The following MAST4 variants were observed in gnomAD, a reference collection of about 807,000 sequenced individuals.
MAST4 encodes the protein microtubule associated serine/threonine kinase family member 4.
In MAST4, 89 loss-of-function variants were observed where a neutral mutation model predicts 162.7. The ratio of observed to expected loss-of-function variants is 0.55; its 90% CI spans 0.46 to 0.65. The LOEUF is 0.65. Among genes scored for constraint, MAST4 ranks in the 30% least tolerant of loss-of-function variants. The probability of loss-of-function intolerance (pLI) is 0.00; values close to 1 mark genes in which losing one functional copy is unlikely to be tolerated. For missense variants in MAST4, 3,153 were observed against 3,374.0 expected (o/e 0.93, Z 1.62); for synonymous variants, 1,479 against 1,361.1 (o/e 1.09, Z -1.91).
chr5:66,991,069 G>A (rs1370030959), intron 4 of MAST4, among the ~76,000 whole-genome samples: 2 of 152,158 alleles, frequency 1.3e-5, no homozygotes, highest in Non-Finnish European at 2.9e-5. Flanking sequence ...AAGTATCAGT[G>A]GTTTGAGAGA....
chr5:67,012,172 A>G (rs1264123775), intron 4 of MAST4, among the ~76,000 whole-genome samples: 1 of 152,098 alleles, frequency 6.6e-6, no homozygotes. Flanking sequence ...ATACCTTTAA[A>G]CAGGAATCGT....
intron 2 of MAST4, among the ~76,000 whole-genome samples, chr5:66,785,423 A>G (rs1755068655): frequency 6.6e-6 from 1 of 152,156 alleles, no homozygotes; most frequent in Non-Finnish European, 1.5e-5. Flanking sequence ...TCACCTAAAC[A>G]TATGTGATGA....
intron 1 of MAST4, among the ~76,000 whole-genome samples, chr5:66,756,988 A>G (rs777270164): frequency 1.3e-5 from 2 of 152,178 alleles, no homozygotes; most frequent in Non-Finnish European, 2.9e-5. Flanking sequence ...GCTCATGTCT[A>G]TATATGTGCG....
chr5:66,714,526 A>G (rs1229839095), intron 1 of MAST4, among the ~76,000 whole-genome samples: 1 of 152,144 alleles, frequency 6.6e-6, no homozygotes, highest in Non-Finnish European at 1.5e-5. Context: ...GATTCGAGTC[A>G]TTGTTTTCCC....
In MAST4 at chr5:67,164,139, G is replaced by A. The variant is rs1417214870; in HGVS notation, c.4960G>A (p.Asp1654Asn). 2.5e-6 allele frequency: 4 copies of A among 1,605,460 alleles called. No individual in the cohort carries two copies. Among genetic ancestry groups the A allele is most frequent in the Non-Finnish European group, 3.4e-6 (4 of 1,175,784 alleles). Residue 1654 changes from aspartate to asparagine, a missense_variant, in exon 29 of 29, where the codon GAC becomes AAC. By Grantham distance (23) the Asp-to-Asn change is conservative. Coordinates refer to ENST00000403625, the MANE Select transcript of MAST4 (RefSeq NM_001164664.2). The surrounding 1 kb of genome is among the most constrained non-coding windows in gnomAD (Gnocchi z 5.3). ...CCAGGATGGTCTCTGCCACTCCCTCGACAGGGGCATCTCTGGGAAGGGGGA... is the reference window on the plus strand; with the variant it reads ...CCAGGATGGTCTCTGCCACTCCCTCAACAGGGGCATCTCTGGGAAGGGGGA... ...TLQDGLCHSLDRGISGKGEGT... is the reference protein window; with the variant it reads ...TLQDGLCHSLNRGISGKGEGT...
Position 67,005,953 on chromosome 5 carries a change from A to C in MAST4, c.675-48451A>C, listed in dbSNP as rs143942237. On this transcript the variant is annotated intron_variant, in intron 4 of 28. Coordinates refer to ENST00000403625, the MANE Select transcript of MAST4 (RefSeq NM_001164664.2). ...CTTTGCAGTCAGATAAACAGGATGC[A>C]GGCTCTCAGATTTGGAGCTTCACAA... Among the ~76,000 whole-genome samples the C allele has an allele frequency of 2.0e-3, 308 of 152,376 alleles. 1 individual carries two copies. The highest frequency in any genetic ancestry group is 7.2e-3 in the African/African-American group (298 of 41,590).
intron 3 of MAST4, among the ~76,000 whole-genome samples, chr5:66,889,470 T>C (rs1373469785): frequency 6.6e-6 from 1 of 152,206 alleles, no homozygotes; most frequent in Non-Finnish European, 1.5e-5. Context: ...GTAGCTAGCA[T>C]TGGTGTTTGA....
At chr5:67,034,213 T>C (rs1755732766) in intron 4 of MAST4, among the ~76,000 whole-genome samples, 1 of 152,194 alleles carries the variant, frequency 6.6e-6, no homozygotes, top group African/African-American at 2.4e-5. Context: ...TTCTGCTAAG[T>C]TGGCTTTATG....
intron 9 of MAST4, among the ~76,000 whole-genome samples, chr5:67,103,857 TAAATG>T (rs1212919453): frequency 6.6e-6 from 1 of 152,232 alleles, no homozygotes; most frequent in East Asian, 1.9e-4. Flanking sequence ...CCCAAGATCT[TAAATG>T]AAAGCGTAAC....
chr5:67,119,759 G>C (rs1767353608), intron 13 of MAST4, among the ~76,000 whole-genome samples: 1 of 152,098 alleles, frequency 6.6e-6, no homozygotes, highest in Non-Finnish European at 1.5e-5. Context: ...GATATCTTCT[G>C]GCACTCAGAG....
chr5:66,964,687 C>G (rs1202827424), intron 4 of MAST4, among the ~76,000 whole-genome samples: 1 of 152,142 alleles, frequency 6.6e-6, no homozygotes, highest in African/African-American at 2.4e-5. Context: ...TTAGTCCCAG[C>G]TACCCCATGG....
At chr5:66,634,455 A>G (rs78272583) in intron 1 of MAST4, among the ~76,000 whole-genome samples, 1,642 of 152,264 alleles carry the variant, frequency 0.011, 29 homozygotes, top group African/African-American at 0.037. Context: ...GCCTCGCTAT[A>G]GTGCCTAGAA....
intron 3 of MAST4, chr5:66,792,655 A>C (rs1755469870): frequency 1.3e-5 from 2 of 152,188 alleles, no homozygotes; most frequent in Admixed American, 1.3e-4. Flanking sequence ...TCCAGTGTGC[A>C]TCTTACAGTT....
rs115166132 is a variant in MAST4, at chr5:66,703,074, C to G, written c.364-56635C>G. Among the ~76,000 whole-genome samples the G allele has an allele frequency of 5.6e-3, 854 of 152,228 alleles. 10 individuals carry two copies. The highest frequency in any genetic ancestry group is 0.02 in the African/African-American group (828 of 41,538). On this transcript the variant is annotated intron_variant, in intron 1 of 28. Transcript: ENST00000403625. ...ATTAAATGCACATCCTTGTGGCTCCCCTCCCCTGACGAGGTGGCTGGCGTA... is the reference window on the plus strand; with the variant it reads ...ATTAAATGCACATCCTTGTGGCTCCGCTCCCCTGACGAGGTGGCTGGCGTA...
chr5:66,922,143 G>T (rs1764581652), intron 4 of MAST4, among the ~76,000 whole-genome samples: 2 of 152,328 alleles, frequency 1.3e-5, no homozygotes, highest in South Asian at 4.1e-4. Flanking sequence ...AGCATCCTAA[G>T]AGAAGATGCA....
intron 4 of MAST4, among the ~76,000 whole-genome samples, chr5:66,929,655 G>T (rs1201425473): frequency 1.3e-5 from 2 of 152,314 alleles, no homozygotes; most frequent in African/African-American, 2.4e-5. Context: ...ATACAGTTAT[G>T]TTACTATCTG....
chr5:67,122,484 T>C (rs558233536), intron 14 of MAST4, among the ~76,000 whole-genome samples: 58 of 152,368 alleles, frequency 3.8e-4, no homozygotes, highest in African/African-American at 1.2e-3. Flanking sequence ...AAGGACCTCA[T>C]TGAAACTTTT....
intron 5 of MAST4, among the ~76,000 whole-genome samples, chr5:67,076,584 C>T (rs1028406141): frequency 1.3e-5 from 2 of 152,108 alleles, no homozygotes; most frequent in Admixed American, 6.6e-5. Context: ...CCCACTTTCC[C>T]TCTGAAAAGT....
intron 1 of MAST4, among the ~76,000 whole-genome samples, chr5:66,753,450 A>G (rs1753318582): frequency 6.6e-6 from 1 of 151,700 alleles, no homozygotes; most frequent in African/African-American, 2.4e-5. Flanking sequence ...TAGACGCAAT[A>G]AAAAATGATA....
Sources: gnomAD v4.1 joint callset for allele counts (sites outside exome capture counted in the v4.1 genomes callset) on GRCh38, gnomAD v4.1.1 for gene constraint, Gnocchi (gnomAD v3.1) non-coding constraint, MANE v1.5 for transcripts, NCBI Gene and HGNC (gene_info 2026-07-23, HGNC 2026-07-21) for gene names.